ASTN2: variants seen among roughly 807,000 people sequenced by gnomAD.
ASTN2 encodes astrotactin-2.
ASTN2 carries 54 observed loss-of-function variants against 139.8 expected under a neutral mutation model. The ratio of observed to expected loss-of-function variants is 0.39; its 90% CI spans 0.31 to 0.48. The LOEUF (loss-of-function observed/expected upper bound fraction) is 0.48, where lower values mean the gene tolerates loss of function less well. Among genes scored for constraint, ASTN2 ranks in the 20% least tolerant of loss-of-function variants. The pLI, the probability that ASTN2 is intolerant of heterozygous loss-of-function variation, is 0.95. For missense variants in ASTN2, 1,565 were observed against 1,725.1 expected (o/e 0.91, Z 1.64); for synonymous variants, 756 against 719.5 (o/e 1.05, Z -0.81).
Position 116,607,066 on chromosome 9 carries a change from G to A in ASTN2, c.3355+11258C>T, listed in dbSNP as rs182444089. Among the ~76,000 whole-genome samples the A allele has an allele frequency of 1.7e-4, 26 of 152,276 alleles. No individual in the cohort carries two copies. The East Asian group carries it at 3.3e-3, about 19-fold the overall frequency. On this transcript the variant is annotated intron_variant, in intron 19 of 22. Transcript: ENST00000313400. ...AACAGATGAGGTGAATGTTTCAGAT[G>A]TACCCTCCCAATCATCTACAGCATC...
chr9:117,414,734 T>C lies in ASTN2; in HGVS notation c.205A>G (p.Thr69Ala). 7.8e-7 allele frequency: 1 copy of C among 1,277,514 alleles called. No homozygotes were observed. The highest frequency in any genetic ancestry group is 2.2e-5 in the South Asian group (1 of 46,130). 79.1% of individuals were successfully genotyped at this position (1,277,514 alleles called of 1,614,324 possible). ...PDSPCRLKTV[T>A]VSTLPALRES... ...CGCAGGGCGGGCAGTGTGGACACCG[T>C]GACGGTCTTCAGCCGGCACGGGCTG... The change falls in exon 1 of 23, where the codon ACG (threonine) becomes GCG (alanine). Residue 69 changes from threonine to alanine, a missense_variant. This residue lies in a region of ASTN2 where 596 missense variants were observed against 576.8 expected (regional missense o/e 1.03). Coordinates refer to ENST00000313400, the MANE Select transcript of ASTN2 (RefSeq NM_001365068.1). The surrounding 1 kb of genome is among the most constrained non-coding windows in gnomAD (Gnocchi z 4.2).
At chr9:117,107,372 T>G (rs1186990527) in intron 4 of ASTN2, among the ~76,000 whole-genome samples, 3 of 152,160 alleles carry the variant, frequency 2.0e-5, no homozygotes, top group Admixed American at 2.0e-4. Flanking sequence ...TAGTTAAGGT[T>G]TTTTGATCTA....
chr9:116,838,101 GTT>G (rs752512675), intron 11 of ASTN2, among the ~76,000 whole-genome samples: 6 of 134,136 alleles, frequency 4.5e-5, no homozygotes, highest in African/African-American at 1.7e-4. Context: ...GCCTGGCTGT[GTT>G]TTTTTTTGTT....
intron 2 of ASTN2, among the ~76,000 whole-genome samples, chr9:117,284,633 C>G (rs1480218563): frequency 6.6e-6 from 1 of 152,194 alleles, no homozygotes; most frequent in Admixed American, 6.5e-5. Context: ...AAATGTCTGT[C>G]TTTTAAGCCA....
chr9:116,874,330 G>A (rs1833240790), intron 10 of ASTN2, among the ~76,000 whole-genome samples: 1 of 152,144 alleles, frequency 6.6e-6, no homozygotes, highest in Non-Finnish European at 1.5e-5. Context: ...TCCTGGGAGT[G>A]TCTTGTGCTT....
At chr9:117,373,477 A>G (rs1830040402) in intron 1 of ASTN2, among the ~76,000 whole-genome samples, 1 of 152,184 alleles carries the variant, frequency 6.6e-6, no homozygotes, top group African/African-American at 2.4e-5. Flanking sequence ...TGTAGTAGAA[A>G]ACTTCAAGGT....
At chr9:116,626,765 T>C (rs1419650809) in intron 17 of ASTN2, among the ~76,000 whole-genome samples, 1 of 152,200 alleles carries the variant, frequency 6.6e-6, no homozygotes, top group Non-Finnish European at 1.5e-5. Context: ...GTAAGCATGG[T>C]GCGCCCATGC....
At chr9:116,958,514 G>A (rs565902899) in intron 10 of ASTN2, among the ~76,000 whole-genome samples, 474 of 152,178 alleles carry the variant, frequency 3.1e-3, no homozygotes, top group African/African-American at 7.5e-3. Context: ...GCATGAACCC[G>A]GGAGGTGGAG....
At chr9:116,932,143 T>C (rs1389944829) in intron 10 of ASTN2, among the ~76,000 whole-genome samples, 4 of 152,118 alleles carry the variant, frequency 2.6e-5, no homozygotes. Flanking sequence ...AGCAGGGGCA[T>C]GACATGATTG....
At position 116,423,380 on chromosome 9, in the gene ASTN2, A is replaced by T. The variant is rs147256480; in HGVS notation, c.*2471T>A. Among the ~76,000 whole-genome samples, 216 of 152,324 alleles carry T rather than the reference A, an allele frequency of 1.4e-3. 1 individual carries two copies. The highest frequency in any genetic ancestry group is 9.1e-3 in the South Asian group (44 of 4,826). ...GATGTCAAGTTACTCCCTTAAGGGCAATAGCTGGTGAATAGCAGTGTTGTC... is the reference window on the plus strand; with the variant it reads ...GATGTCAAGTTACTCCCTTAAGGGCTATAGCTGGTGAATAGCAGTGTTGTC... On this transcript the variant is annotated 3_prime_UTR_variant, in exon 23 of 23. Transcript: ENST00000313400.
chr9:116,868,078 C>G (rs1030212175), intron 10 of ASTN2, among the ~76,000 whole-genome samples: 6 of 152,134 alleles, frequency 3.9e-5, no homozygotes, highest in Admixed American at 2.0e-4. Flanking sequence ...GACTGAGACA[C>G]TGCCCTGGGG....
At chr9:116,694,546 C>T (rs1378116932) in intron 16 of ASTN2, among the ~76,000 whole-genome samples, 5 of 142,208 alleles carry the variant, frequency 3.5e-5, no homozygotes, top group Non-Finnish European at 6.0e-5. Context: ...CTGCAAGCTC[C>T]GCCTCCCAGG....
intron 19 of ASTN2, among the ~76,000 whole-genome samples, chr9:116,597,976 C>T (rs1273668776): frequency 1.3e-5 from 2 of 152,180 alleles, no homozygotes; most frequent in Non-Finnish European, 2.9e-5. Context: ...GCAATTATAA[C>T]AGGGCTCATA....
chr9:116,795,143 A>AT (rs1029165719), intron 13 of ASTN2, among the ~76,000 whole-genome samples: 17 of 151,796 alleles, frequency 1.1e-4, no homozygotes, highest in South Asian at 4.2e-4. Flanking sequence ...CACCCAGCTC[A>AT]TTTTTTTTGT....
intron 2 of ASTN2, among the ~76,000 whole-genome samples, chr9:117,240,848 T>C (rs544248623): frequency 1.4e-4 from 21 of 152,336 alleles, no homozygotes; most frequent in African/African-American, 4.6e-4. Context: ...CCATGCTTTC[T>C]GCAGACTCTT....
At chr9:116,732,913 C>G (rs894083768) in intron 14 of ASTN2, among the ~76,000 whole-genome samples, 1 of 152,122 alleles carries the variant, frequency 6.6e-6, no homozygotes, top group African/African-American at 2.4e-5. Context: ...AAAAATAATA[C>G]CCACCCCACA....
intron 19 of ASTN2, among the ~76,000 whole-genome samples, chr9:116,562,840 G>C (rs1852986633): frequency 1.3e-5 from 2 of 151,990 alleles, no homozygotes; most frequent in South Asian, 2.1e-4. Flanking sequence ...TGAAGACAGA[G>C]GGAAGGTTCG....
At chr9:116,728,893 C>G in intron 15 of ASTN2, 99 bp downstream of exon 15, 1 of 966,466 alleles carries the variant, frequency 1.0e-6, no homozygotes, top group African/African-American at 1.6e-5. Flanking sequence ...ATTTCCTCAG[C>G]ATCCCCAGTG....
At chr9:117,167,214 T>C (rs1174662518) in intron 3 of ASTN2, among the ~76,000 whole-genome samples, 1 of 152,154 alleles carries the variant, frequency 6.6e-6, no homozygotes, top group African/African-American at 2.4e-5. Context: ...ATCTCTGTCA[T>C]CTGTCATCAG....
Sources: allele counts gnomAD v4.1 joint callset (sites outside exome capture counted in the v4.1 genomes callset), GRCh38; gene constraint gnomAD v4.1.1; regional missense constraint gnomAD v4.1.1; non-coding constraint Gnocchi (gnomAD v3.1); transcripts MANE v1.5; gene names NCBI Gene and HGNC (gene_info 2026-07-23, HGNC 2026-07-21).